WDR27: variants seen among roughly 807,000 people sequenced by gnomAD.
WDR27 encodes WD repeat domain 27.
A neutral mutation model predicts 114.4 loss-of-function variants in WDR27; 100 were observed. The observed-to-expected ratio is 0.87, with a 90% CI of 0.74 to 1.03. WDR27 has a LOEUF of 1.03. Among genes scored for constraint, WDR27 ranks in the 50% least tolerant of loss-of-function variants. WDR27 has a pLI of 0.00. For synonymous variants in WDR27, 449 were observed against 423.1 expected, an observed-to-expected ratio of 1.06 and a Z score of -0.75; for missense variants, 1,129 against 1,092.9, an observed-to-expected ratio of 1.03 and a Z score of -0.47.
chr6:169,691,918 T>C (rs186485148), intron 1 of WDR27, among the ~76,000 whole-genome samples: 79 of 152,328 alleles, frequency 5.2e-4, no homozygotes, highest in Non-Finnish European at 8.5e-4. Context: ...ATACTCATAC[T>C]GTGAAGTTTT....
intron 23 of WDR27, among the ~76,000 whole-genome samples, chr6:169,600,126 AC>A (rs1807656229): frequency 6.6e-6 from 1 of 152,106 alleles, no homozygotes; most frequent in Admixed American, 6.5e-5. Flanking sequence ...GGTCTGAGAG[AC>A]AGTTTGTTAT....
rs1351249782 is a variant in WDR27 at position 169,684,957 on chromosome 6, C to T, written c.189+3860G>A. On this transcript the variant is annotated intron_variant, in intron 2 of 25. Transcript: ENST00000448612. The surrounding 1 kb of genome is among the most constrained non-coding windows in gnomAD (Gnocchi z 4.3). ...TGACCCTATGTGTACATGTGTACCCCCAACCTGAGAAATACCAGGTGAACC... is the reference window on the plus strand; with the variant it reads ...TGACCCTATGTGTACATGTGTACCCTCAACCTGAGAAATACCAGGTGAACC... 6.6e-6 allele frequency among the ~76,000 whole-genome samples: 1 copy of T among 152,220 alleles called. No individual in the cohort carries two copies. The highest frequency in any genetic ancestry group is 6.5e-5 in the Admixed American group (1 of 15,284).
intron 21 of WDR27, among the ~76,000 whole-genome samples, chr6:169,620,648 T>A (rs185568052): frequency 6.6e-6 from 1 of 152,250 alleles, no homozygotes; most frequent in East Asian, 1.9e-4. Flanking sequence ...ATATCTCATG[T>A]CTCCCTAAAA....
chr6:169,507,749 T>C (rs1327141823), intron 25 of WDR27, among the ~76,000 whole-genome samples: 1 of 152,210 alleles, frequency 6.6e-6, no homozygotes, highest in East Asian at 1.9e-4. Flanking sequence ...TATTTTTCAA[T>C]GTTCATAAAT....
At position 169,643,769 on chromosome 6, in the gene WDR27, CCAGCCA is replaced by C. The variant is rs772810783; in HGVS notation, c.1669_1674del (p.Trp557_Leu558del). The stretch of plus-strand genomic sequence containing the variant: ...AACAGATGGTTGGCCAACCCACAGG[CCAGCCA>C]CTGCCCATCTCCTGTTAAAAGAATT... On this transcript the variant is annotated inframe_deletion, in exon 17 of 26. Transcript: ENST00000448612. 43 of 1,613,122 alleles carry C rather than the reference CCAGCCA, an allele frequency of 2.7e-5. No individual in the cohort carries two copies.
At chr6:169,591,679 T>C (rs1029394507) in intron 23 of WDR27, among the ~76,000 whole-genome samples, 2 of 152,130 alleles carry the variant, frequency 1.3e-5, no homozygotes, top group African/African-American at 4.8e-5. Context: ...TCACAGTCAT[T>C]ACTCTTTGGA....
intron 25 of WDR27, among the ~76,000 whole-genome samples, chr6:169,568,671 T>G (rs1196433653): frequency 6.6e-6 from 1 of 152,176 alleles, no homozygotes; most frequent in Non-Finnish European, 1.5e-5. Context: ...AAGACCCAAC[T>G]TTCCAATCCT....
At chr6:169,536,455 G>A (rs1426477907) in intron 25 of WDR27, among the ~76,000 whole-genome samples, 2 of 152,140 alleles carry the variant, frequency 1.3e-5, no homozygotes, top group Admixed American at 6.5e-5. Context: ...ATAATCCTAA[G>A]TTTATTTCTA....
intron 25 of WDR27, among the ~76,000 whole-genome samples, chr6:169,551,683 G>A (rs898042382): frequency 6.2e-5 from 9 of 144,918 alleles, no homozygotes; most frequent in African/African-American, 2.3e-4. Context: ...GTTGGAGTGA[G>A]CTGAGATTGC....
intron 25 of WDR27, among the ~76,000 whole-genome samples, chr6:169,512,575 C>T (rs145179153): frequency 2.9e-4 from 44 of 152,274 alleles, no homozygotes; most frequent in African/African-American, 8.9e-4. Flanking sequence ...GTAAGAGCTA[C>T]TGAGAGATCA....
At chr6:169,437,890 T>G in the WDR27 span, among the ~76,000 whole-genome samples, 1 of 152,148 alleles carries the variant, frequency 6.6e-6, no homozygotes, top group Admixed American at 6.6e-5. Flanking sequence ...TATTCTTGGC[T>G]CTTCTTTTTT....
At chr6:169,444,655 T>G in the WDR27 span, among the ~76,000 whole-genome samples, 5 of 150,792 alleles carry the variant, frequency 3.3e-5, no homozygotes, top group Non-Finnish European at 7.4e-5. Context: ...CAAGAGATGG[T>G]GGACTGTTTT....
At chr6:169,426,696 GA>G in the WDR27 span, 1 of 152,502 alleles carries the variant, frequency 6.6e-6, no homozygotes, top group African/African-American at 2.4e-5. Context: ...CAGCAGCGAG[GA>G]AAATTGGAAA....
intron 21 of WDR27, among the ~76,000 whole-genome samples, chr6:169,628,548 G>A (rs900843622): frequency 6.6e-6 from 1 of 152,172 alleles, no homozygotes; most frequent in Non-Finnish European, 1.5e-5. Context: ...TCCATTTTAT[G>A]TGCCTTTAAA....
At chr6:169,433,368 G>T in the WDR27 span, among the ~76,000 whole-genome samples, 2 of 152,150 alleles carry the variant, frequency 1.3e-5, no homozygotes, top group Non-Finnish European at 2.9e-5. Context: ...GTGTTAGTTT[G>T]CTGAGAATGA....
intron 25 of WDR27, among the ~76,000 whole-genome samples, chr6:169,552,862 T>C (rs1798335099): frequency 6.6e-6 from 1 of 152,378 alleles, no homozygotes; most frequent in South Asian, 2.1e-4. Flanking sequence ...TCATCCTTCA[T>C]GACGTCCTCA....
intron 25 of WDR27, among the ~76,000 whole-genome samples, chr6:169,460,916 A>G (rs890245419): frequency 6.6e-5 from 10 of 152,158 alleles, no homozygotes; most frequent in African/African-American, 2.2e-4. Flanking sequence ...TGTCAGTTGC[A>G]TAAGCTGTCG....
intron 21 of WDR27, among the ~76,000 whole-genome samples, chr6:169,619,042 G>C (rs777376968): frequency 6.6e-6 from 1 of 152,002 alleles, no homozygotes; most frequent in Non-Finnish European, 1.5e-5. Context: ...TCTCATCCAA[G>C]AGTACACCAC....
intron 22 of WDR27, among the ~76,000 whole-genome samples, chr6:169,609,593 G>C (rs1238138872): frequency 6.6e-6 from 1 of 152,190 alleles, no homozygotes; most frequent in Non-Finnish European, 1.5e-5. Context: ...GCTGCACACA[G>C]CTCAGGGACC....
Sources: allele counts gnomAD v4.1 joint callset (sites outside exome capture counted in the v4.1 genomes callset), GRCh38; gene constraint gnomAD v4.1.1; non-coding constraint Gnocchi (gnomAD v3.1); transcripts MANE v1.5; gene names NCBI Gene and HGNC (gene_info 2026-07-23, HGNC 2026-07-21).